The following CDC123 variants were observed in gnomAD, a reference collection of about 807,000 sequenced individuals.
CDC123 encodes the protein cell division cycle 123.
Under a neutral mutation model 54.4 loss-of-function variants are expected in CDC123, and 37 were observed. That is an observed-to-expected ratio of 0.68 (90% CI 0.52 to 0.89). CDC123 has a LOEUF of 0.89. Ranked by LOEUF, CDC123 falls within the 40% of genes least tolerant of loss-of-function variation. CDC123 has a pLI of 0.00. For missense variants in CDC123, 361 were observed against 412.1 expected (o/e 0.88, Z 1.07); for synonymous variants, 144 against 136.8 (o/e 1.05, Z -0.37).
chr10:12,224,453 G>T (rs1400827836), intron 6 of CDC123, among the ~76,000 whole-genome samples: 8 of 151,370 alleles, frequency 5.3e-5, no homozygotes, highest in Admixed American at 5.3e-4. Flanking sequence ...TTTTTCTTTG[G>T]AATAAAATCT....
chr10:12,213,763 G>C (rs1344593570), intron 4 of CDC123, among the ~76,000 whole-genome samples: 1 of 152,128 alleles, frequency 6.6e-6, no homozygotes, highest in Non-Finnish European at 1.5e-5. Context: ...GTTAGAACTG[G>C]TTCAAAAGAG....
intron 6 of CDC123, among the ~76,000 whole-genome samples, chr10:12,219,899 A>G (rs1835712659): frequency 6.6e-6 from 1 of 152,174 alleles, no homozygotes; most frequent in Admixed American, 6.5e-5. Context: ...CACGTTAGCC[A>G]GGATGGTCTC....
chr10:12,206,632 C>A (rs146783775), intron 2 of CDC123, among the ~76,000 whole-genome samples: 1 of 152,030 alleles, frequency 6.6e-6, no homozygotes, highest in Non-Finnish European at 1.5e-5. Flanking sequence ...ACCAACATGG[C>A]GAAACCCCAT....
chr10:12,197,878 T>C (rs907075812), intron 1 of CDC123, among the ~76,000 whole-genome samples: 2 of 152,086 alleles, frequency 1.3e-5, no homozygotes, highest in African/African-American at 4.8e-5. Flanking sequence ...ATTTGTAATG[T>C]GCCAAAAAAA....
rs951196994 is a variant in CDC123 at position 12,249,099 on chromosome 10, A to T, written c.847-482A>T. ...AACAGAGATCGTGCCCCTGCACTCC[A>T]GTCTGAGAACAGAGCGAGACTTTGC... is the stretch of plus-strand genomic sequence containing the variant. On this transcript the variant is annotated intron_variant, in intron 11 of 12. Transcript: ENST00000281141. Among the ~76,000 whole-genome samples the T allele has an allele frequency of 2.4e-4, 36 of 149,824 alleles. 1 individual carries two copies. In the Admixed American group the frequency reaches 2.4e-3, roughly 10 times the overall value.
intron 4 of CDC123, among the ~76,000 whole-genome samples, chr10:12,212,345 C>T (rs1365159402): frequency 6.6e-6 from 1 of 152,150 alleles, no homozygotes; most frequent in Admixed American, 6.5e-5. Flanking sequence ...CCTGCAACAA[C>T]TTGTGCCAGA....
rs115348213 is a variant in CDC123 at position 12,209,524 on chromosome 10, C to T, written c.147-443C>T. ...TGCTGAAATTACAGGTGTGAGCCAC[C>T]ATGACTGGCCTTGTTCTTCAATTTT... is the stretch of plus-strand genomic sequence containing the variant. On this transcript the variant is annotated intron_variant, in intron 2 of 12. Transcript: ENST00000281141. Among the ~76,000 whole-genome samples the T allele has an allele frequency of 7.8e-3, 1,186 of 152,268 alleles. 7 individuals are homozygous for T. The highest frequency in any genetic ancestry group is 0.017 in the Middle Eastern group (5 of 294).
chr10:12,217,796 A>T (rs1835681348), intron 6 of CDC123, among the ~76,000 whole-genome samples: 1 of 152,228 alleles, frequency 6.6e-6, no homozygotes, highest in Non-Finnish European at 1.5e-5. Context: ...GAAATATAAA[A>T]GCTCTCATGG....
At chr10:12,206,836 G>GT (rs1835528649) in intron 2 of CDC123, among the ~76,000 whole-genome samples, 1 of 151,940 alleles carries the variant, frequency 6.6e-6, no homozygotes, top group Non-Finnish European at 1.5e-5. Context: ...GCGGGCGCCT[G>GT]GAGTCCCAGC....
chr10:12,231,889 A>G (rs1835906760), intron 7 of CDC123, among the ~76,000 whole-genome samples: 1 of 151,874 alleles, frequency 6.6e-6, no homozygotes, highest in Admixed American at 6.6e-5. Context: ...TCTGTTGCCC[A>G]GGCTGGAATG....
intron 6 of CDC123, among the ~76,000 whole-genome samples, chr10:12,226,658 G>A (rs1202687507): frequency 7.1e-6 from 1 of 141,108 alleles, no homozygotes; most frequent in Non-Finnish European, 1.6e-5. Flanking sequence ...CCCAGACGAT[G>A]GGCTGCGGGG....
chr10:12,223,627 C>CATAAACAG, intron 6 of CDC123, among the ~76,000 whole-genome samples: 1 of 152,100 alleles, frequency 6.6e-6, no homozygotes, highest in Non-Finnish European at 1.5e-5. Context: ...CATGTCAGTC[C>CATAAACAG]CAAGGCATGT....
At chr10:12,199,855 C>T (rs1369729256) in intron 2 of CDC123, among the ~76,000 whole-genome samples, 1 of 152,128 alleles carries the variant, frequency 6.6e-6, no homozygotes, top group Non-Finnish European at 1.5e-5. Flanking sequence ...CAGAGTCTCG[C>T]TCTGTCACCC....
chr10:12,202,764 C>G (rs1835457181), intron 2 of CDC123, among the ~76,000 whole-genome samples: 1 of 152,206 alleles, frequency 6.6e-6, no homozygotes, highest in Non-Finnish European at 1.5e-5. Context: ...CCTGTAATCC[C>G]AGCACTTTGG....
rs771452181 is a variant in CDC123 at position 12,210,011 on chromosome 10, CAGA to C, written c.196_198del (p.Glu66del). On this transcript the variant is annotated inframe_deletion, in exon 3 of 13. Transcript: ENST00000281141. Reference sequence around the variant, plus strand: ...TCTCAGCCAGACAGTGATGATGAAGCAGAAGAAATACAGGTTGGTACCAAATAA... The same window carrying C: ...TCTCAGCCAGACAGTGATGATGAAGCAGAAATACAGGTTGGTACCAAATAA... 3 of 1,614,064 alleles carry C rather than the reference CAGA, an allele frequency of 1.9e-6. No homozygotes were observed. The highest frequency in any genetic ancestry group is 2.5e-6 in the Non-Finnish European group (3 of 1,179,978).
intron 6 of CDC123, among the ~76,000 whole-genome samples, chr10:12,221,183 G>T (rs1220599142): frequency 6.6e-6 from 1 of 151,932 alleles, no homozygotes; most frequent in South Asian, 2.1e-4. Context: ...AACAGAAGCC[G>T]AAAATAGCTT....
chr10:12,231,032 A>C (rs767079859), intron 7 of CDC123, 36 bp downstream of exon 7: 17 of 1,526,162 alleles, frequency 1.1e-5, no homozygotes, highest in Non-Finnish European at 1.5e-5. Context: ...TTGTAGATGA[A>C]GATGTGTTGA....
At chr10:12,248,094 C>T (rs17151464) in intron 11 of CDC123, among the ~76,000 whole-genome samples, 18,961 of 152,112 alleles carry the variant, frequency 0.12, 2,428 homozygotes, top group African/African-American at 0.32. Flanking sequence ...TATTTTGATA[C>T]ATAACGTGCA....
At chr10:12,239,924 C>T (rs557028014) in intron 10 of CDC123, among the ~76,000 whole-genome samples, 34 of 148,848 alleles carry the variant, frequency 2.3e-4, no homozygotes, top group African/African-American at 8.4e-4. Flanking sequence ...GGGAGAATGG[C>T]GTGAACCCGG....
Sources: allele counts gnomAD v4.1 joint callset (sites outside exome capture counted in the v4.1 genomes callset), GRCh38; gene constraint gnomAD v4.1.1; transcripts MANE v1.5; gene names NCBI Gene and HGNC (gene_info 2026-07-23, HGNC 2026-07-21).